The following TAFA4 variants were observed in gnomAD, a reference collection of about 807,000 sequenced individuals.
TAFA4 encodes the protein TAFA chemokine like family member 4.
Under a neutral mutation model 21.1 loss-of-function variants are expected in TAFA4, and 20 were observed. The observed-to-expected ratio is 0.95, with a 90% CI of 0.67 to 1.38. TAFA4 has a LOEUF of 1.38. Ranked by LOEUF, TAFA4 falls within the 40% of genes most tolerant of loss-of-function variation. The pLI, the probability that TAFA4 is intolerant of heterozygous loss-of-function variation, is 0.00. For synonymous variants in TAFA4, 71 were observed against 67.4 expected (o/e 1.05, Z -0.26); for missense variants, 211 against 180.9 (o/e 1.17, Z -0.95).
chr3:68,793,268 G>A (rs1389075736), intron 3 of TAFA4, among the ~76,000 whole-genome samples: 1 of 152,130 alleles, frequency 6.6e-6, no homozygotes, highest in East Asian at 1.9e-4. Flanking sequence ...AAGGAGAATG[G>A]AATATTGTTT....
chr3:68,831,241 T>G (rs1422418780), intron 3 of TAFA4, among the ~76,000 whole-genome samples: 1 of 152,212 alleles, frequency 6.6e-6, no homozygotes, highest in East Asian at 1.9e-4. Flanking sequence ...TGATGCTAGC[T>G]GGTAATTTCA....
At chr3:68,828,953 G>A (rs962855670) in intron 3 of TAFA4, among the ~76,000 whole-genome samples, 5 of 152,110 alleles carry the variant, frequency 3.3e-5, no homozygotes, top group African/African-American at 1.2e-4. Context: ...CATGTCCTGT[G>A]CTGGTTTTCA....
At chr3:68,855,472 G>A (rs1221241081) in intron 3 of TAFA4, among the ~76,000 whole-genome samples, 6 of 151,978 alleles carry the variant, frequency 3.9e-5, no homozygotes, top group Non-Finnish European at 8.8e-5. Flanking sequence ...AACCCAAAAT[G>A]CCCATCAAGA....
chr3:68,858,317 C>T (rs1405213005), intron 3 of TAFA4, among the ~76,000 whole-genome samples: 1 of 152,130 alleles, frequency 6.6e-6, no homozygotes, highest in Non-Finnish European at 1.5e-5. Flanking sequence ...AGAATAGTAT[C>T]CATCAGCTTA....
At chr3:68,789,265 G>A (rs372968861) in intron 3 of TAFA4, among the ~76,000 whole-genome samples, 22 of 152,072 alleles carry the variant, frequency 1.4e-4, no homozygotes, top group African/African-American at 4.6e-4. Flanking sequence ...TCCATTTGGA[G>A]TTGAGTTGAT....
chr3:68,750,098 CTGTT>C (rs1369136339), intron 4 of TAFA4, among the ~76,000 whole-genome samples: 2 of 152,172 alleles, frequency 1.3e-5, no homozygotes, highest in Non-Finnish European at 2.9e-5. Flanking sequence ...ACCTGAGAGT[CTGTT>C]TGTTTTGCCA....
At chr3:68,878,522 T>C (rs2089579662) in intron 3 of TAFA4, among the ~76,000 whole-genome samples, 1 of 152,136 alleles carries the variant, frequency 6.6e-6, no homozygotes, top group African/African-American at 2.4e-5. Context: ...TGCTACCCTC[T>C]TGTGGGGAAA....
At chr3:68,790,383 A>G (rs1703340452) in intron 3 of TAFA4, among the ~76,000 whole-genome samples, 1 of 152,228 alleles carries the variant, frequency 6.6e-6, no homozygotes, top group South Asian at 2.1e-4. Context: ...AGCAAAAGGC[A>G]AAGGTGACAA....
chr3:68,757,196 T>A (rs899986028), intron 3 of TAFA4, among the ~76,000 whole-genome samples: 2 of 152,038 alleles, frequency 1.3e-5, no homozygotes, highest in Admixed American at 1.3e-4. Flanking sequence ...CCTGTTCAAT[T>A]CTTGGTGAGC....
At chr3:68,820,822 C>A (rs1283137610) in intron 3 of TAFA4, among the ~76,000 whole-genome samples, 1 of 152,126 alleles carries the variant, frequency 6.6e-6, no homozygotes, top group African/African-American at 2.4e-5. Flanking sequence ...CCATAAATAC[C>A]TATGACTTTT....
intron 3 of TAFA4, among the ~76,000 whole-genome samples, chr3:68,786,178 A>T (rs1703257301): frequency 6.6e-6 from 1 of 152,240 alleles, no homozygotes; most frequent in Non-Finnish European, 1.5e-5. Flanking sequence ...ATATAAGTTT[A>T]GAAAAGTACT....
intron 4 of TAFA4, among the ~76,000 whole-genome samples, chr3:68,743,781 G>A (rs868585738): frequency 1.3e-5 from 2 of 152,240 alleles, no homozygotes; most frequent in Middle Eastern, 3.4e-3. Flanking sequence ...CTCAGAGTTA[G>A]TAAAGGGGTG....
At chr3:68,790,040 C>T (rs994897070) in intron 3 of TAFA4, among the ~76,000 whole-genome samples, 10 of 152,064 alleles carry the variant, frequency 6.6e-5, no homozygotes, top group South Asian at 2.1e-4. Context: ...GTCTATTTTT[C>T]GCCTCAAGTT....
intron 1 of TAFA4, among the ~76,000 whole-genome samples, chr3:68,919,033 C>T (rs2090032024): frequency 6.6e-6 from 1 of 152,204 alleles, no homozygotes; most frequent in African/African-American, 2.4e-5. Context: ...ATAGGATTCA[C>T]ACTTAGTAGG....
At chr3:68,932,170 T>G (rs983149021) in intron 1 of TAFA4, 70 bp downstream of exon 1, 1 of 151,966 alleles carries the variant, frequency 6.6e-6, no homozygotes, top group African/African-American at 2.4e-5. Context: ...AGACAGCACC[T>G]AAATACAGGG....
intron 3 of TAFA4, among the ~76,000 whole-genome samples, chr3:68,868,601 G>A (rs1360820821): frequency 6.6e-6 from 1 of 151,708 alleles, no homozygotes; most frequent in African/African-American, 2.4e-5. Context: ...TAAGAACTTT[G>A]GAAACTATAC....
chr3:68,748,253 A>G (rs1481813934), intron 4 of TAFA4, among the ~76,000 whole-genome samples: 3 of 152,222 alleles, frequency 2.0e-5, no homozygotes, highest in Non-Finnish European at 2.9e-5. Flanking sequence ...CCCAACTCCC[A>G]AAGTGTTTTG....
At chr3:68,870,636 G>C (rs538538532) in intron 3 of TAFA4, among the ~76,000 whole-genome samples, 56 of 152,108 alleles carry the variant, frequency 3.7e-4, no homozygotes, top group South Asian at 1.7e-3. Flanking sequence ...TTGTTACATA[G>C]GTATACATGT....
intron 3 of TAFA4, among the ~76,000 whole-genome samples, chr3:68,847,275 G>T (rs1704826769): frequency 6.6e-6 from 1 of 152,214 alleles, no homozygotes; most frequent in South Asian, 2.1e-4. Flanking sequence ...GCTGCAGTGG[G>T]CTCCGCCCAG....
Sources: gnomAD v4.1 joint callset for allele counts (sites outside exome capture counted in the v4.1 genomes callset) on GRCh38, gnomAD v4.1.1 for gene constraint, MANE v1.5 for transcripts, NCBI Gene and HGNC (gene_info 2026-07-23, HGNC 2026-07-21) for gene names.